The following DCC variants were observed in gnomAD, a reference collection of about 807,000 sequenced individuals.
DCC encodes netrin receptor DCC.
In DCC, 58 loss-of-function variants were observed where a neutral mutation model predicts 172.5. The observed-to-expected ratio is 0.34, with a 90% CI of 0.27 to 0.42. The LOEUF (loss-of-function observed/expected upper bound fraction) is 0.42. Ranked by LOEUF, DCC falls within the 10% of genes least tolerant of loss-of-function variation. The probability of loss-of-function intolerance (pLI) is 1.00; values close to 1 mark genes in which losing one functional copy is unlikely to be tolerated. For missense variants in DCC, 1,740 were observed against 1,791.0 expected (o/e 0.97, Z 0.51); for synonymous variants, 709 against 644.5 (o/e 1.10, Z -1.52).
chr18:53,076,224 T>C (rs2042723364), intron 7 of DCC, among the ~76,000 whole-genome samples: 1 of 152,120 alleles, frequency 6.6e-6, no homozygotes, highest in Admixed American at 6.6e-5. Flanking sequence ...TCCTCCTTTG[T>C]GAATTAGGAC....
At chr18:53,335,309 A>G (rs945066576) in intron 14 of DCC, among the ~76,000 whole-genome samples, 1 of 152,136 alleles carries the variant, frequency 6.6e-6, no homozygotes. Flanking sequence ...ACTTATCAAG[A>G]TCTCACGATT....
intron 28 of DCC, chr18:53,527,090 CGTGTGTGTGTGTGTGTGTGTGTGT>C (rs200516080): frequency 7.3e-5 from 15 of 204,804 alleles, no homozygotes; most frequent in African/African-American, 1.8e-4. Flanking sequence ...CACATGGATA[CGTGTGTGTGTGTGTGTGTGTGTGT>C]GTGTGTGTGT....
Position 52,829,691 on chromosome 18 carries a change from T to C in DCC, c.413-76353T>C, listed in dbSNP as rs550782118. ...ATCTGTGTTCACATGCATATATATT[T>C]ATGTATTACTCACCAAAAATTACTG... On this transcript the variant is annotated intron_variant, in intron 2 of 28. Transcript: ENST00000442544. Among the ~76,000 whole-genome samples the C allele has an allele frequency of 5.3e-5, 8 of 152,290 alleles. No individual in the cohort carries two copies. In the East Asian group the frequency reaches 1.3e-3, roughly 26 times the overall value.
At chr18:52,961,091 G>A (rs1246597895) in intron 5 of DCC, among the ~76,000 whole-genome samples, 1 of 152,022 alleles carries the variant, frequency 6.6e-6, no homozygotes, top group Non-Finnish European at 1.5e-5. Flanking sequence ...ATTCTATGTT[G>A]TATGCTAAGA....
chr18:52,686,044 A>T (rs2035828074), intron 1 of DCC, among the ~76,000 whole-genome samples: 1 of 152,142 alleles, frequency 6.6e-6, no homozygotes, highest in African/African-American at 2.4e-5. Context: ...ACTGTGACCT[A>T]CACTCAGAGG....
At chr18:52,654,231 T>A (rs17749036) in intron 1 of DCC, among the ~76,000 whole-genome samples, 11,039 of 152,242 alleles carry the variant, frequency 0.073, 545 homozygotes, top group Middle Eastern at 0.19. Context: ...GGAGAAAATA[T>A]CTAATTGCAA....
chr18:53,062,821 C>T (rs2042514504), intron 5 of DCC, among the ~76,000 whole-genome samples: 1 of 152,068 alleles, frequency 6.6e-6, no homozygotes, highest in African/African-American at 2.4e-5. Flanking sequence ...TTCCCTATCA[C>T]CATAGCCAGT....
chr18:53,166,850 T>C (rs1447411111), intron 8 of DCC, among the ~76,000 whole-genome samples: 2 of 152,326 alleles, frequency 1.3e-5, no homozygotes, highest in Non-Finnish European at 2.9e-5. Context: ...CTCTCTAAGA[T>C]AGCATTGATT....
intron 1 of DCC, among the ~76,000 whole-genome samples, chr18:52,522,168 G>A (rs988540343): frequency 6.6e-6 from 1 of 152,080 alleles, no homozygotes; most frequent in East Asian, 1.9e-4. Flanking sequence ...CATGGTCCAG[G>A]GATAATTATC....
intron 12 of DCC, among the ~76,000 whole-genome samples, chr18:53,245,416 G>A (rs1235183421): frequency 1.3e-5 from 2 of 152,054 alleles, no homozygotes; most frequent in Non-Finnish European, 2.9e-5. Flanking sequence ...TGTTATGTGT[G>A]GAAAAGTAAC....
intron 2 of DCC, among the ~76,000 whole-genome samples, chr18:52,819,422 A>G (rs1343039595): frequency 6.6e-6 from 1 of 152,254 alleles, no homozygotes; most frequent in African/African-American, 2.4e-5. Context: ...GGAAGATATT[A>G]CATAAATTAG....
intron 27 of DCC, among the ~76,000 whole-genome samples, chr18:53,523,778 G>T (rs2046425519): frequency 6.6e-6 from 1 of 151,938 alleles, no homozygotes; most frequent in Non-Finnish European, 1.5e-5. Flanking sequence ...GCTGGGGGAG[G>T]GATAGCATTA....
intron 8 of DCC, among the ~76,000 whole-genome samples, chr18:53,172,659 G>A (rs981118515): frequency 2.6e-5 from 4 of 151,940 alleles, no homozygotes; most frequent in Non-Finnish European, 4.4e-5. Flanking sequence ...TAACAATGTT[G>A]CTTGAAGGTC....
rs151330900 is a variant in DCC, at chr18:52,970,282, A to G, written c.985+44912A>G. ...TATATTAAAATACAATCCACACTGT[A>G]ATTATAGGTGGCATAATTAAACCTT... is the stretch of plus-strand genomic sequence containing the variant. On this transcript the variant is annotated intron_variant, in intron 5 of 28. Coordinates refer to ENST00000442544, the MANE Select transcript of DCC (RefSeq NM_005215.4). 4.6e-5 allele frequency among the ~76,000 whole-genome samples: 7 copies of G among 152,208 alleles called. No homozygotes were observed. In the East Asian group the frequency reaches 7.7e-4, roughly 17 times the overall value.
At chr18:53,520,960 T>G in intron 27 of DCC, among the ~76,000 whole-genome samples, 1 of 152,118 alleles carries the variant, frequency 6.6e-6, no homozygotes, top group Middle Eastern at 3.2e-3. Context: ...GGGAGGCTGT[T>G]TAAATTCTTT....
At chr18:52,381,590 C>T (rs1367066681) in intron 1 of DCC, among the ~76,000 whole-genome samples, 5 of 152,068 alleles carry the variant, frequency 3.3e-5, no homozygotes, top group Admixed American at 6.6e-5. Flanking sequence ...GCCCTTGACT[C>T]GATTACAGGG....
At chr18:52,407,008 CTCTGA>C (rs1986677116) in intron 1 of DCC, among the ~76,000 whole-genome samples, 4 of 134,180 alleles carry the variant, frequency 3.0e-5, no homozygotes, top group Admixed American at 2.9e-4. Context: ...GTTGTTTTGT[CTCTGA>C]CTTCTCCTAC....
At chr18:52,554,078 G>A (rs148026023) in intron 1 of DCC, among the ~76,000 whole-genome samples, 19 of 152,154 alleles carry the variant, frequency 1.2e-4, no homozygotes, top group African/African-American at 3.6e-4. Flanking sequence ...GTCAAAGATG[G>A]TTGTATTAAG....
intron 7 of DCC, among the ~76,000 whole-genome samples, chr18:53,123,471 C>A (rs1188627993): frequency 6.6e-6 from 1 of 152,038 alleles, no homozygotes; most frequent in Non-Finnish European, 1.5e-5. Context: ...AGAGGCCCTG[C>A]AAGTCATTCT....
Sources: allele counts gnomAD v4.1 joint callset (sites outside exome capture counted in the v4.1 genomes callset), GRCh38; gene constraint gnomAD v4.1.1; transcripts MANE v1.5; gene names NCBI Gene and HGNC (gene_info 2026-07-23, HGNC 2026-07-21).